The following ASTN2 variants were observed in gnomAD, a reference collection of about 807,000 sequenced individuals.
The protein encoded by ASTN2 is astrotactin 2.
In ASTN2, 54 loss-of-function variants were observed where a neutral mutation model predicts 139.8. The observed-to-expected ratio is 0.39, with a 90% CI of 0.31 to 0.48. The LOEUF (loss-of-function observed/expected upper bound fraction) is 0.48, where lower values mean the gene tolerates loss of function less well. Ranked by LOEUF, ASTN2 falls within the 20% of genes least tolerant of loss-of-function variation. The probability of loss-of-function intolerance (pLI) is 0.95; values close to 1 mark genes in which losing one functional copy is unlikely to be tolerated. For missense variants in ASTN2, 1,565 were observed against 1,725.1 expected (o/e 0.91, Z 1.64); for synonymous variants, 756 against 719.5 (o/e 1.05, Z -0.81).
chr9:116,608,607 A>C (rs1339484962), intron 19 of ASTN2, among the ~76,000 whole-genome samples: 1 of 147,058 alleles, frequency 6.8e-6, no homozygotes, highest in Non-Finnish European at 1.5e-5. Flanking sequence ...TTTGAACAAA[A>C]GAGTTTGAAC....
chr9:117,250,944 CAGA>C (rs1369300082), intron 2 of ASTN2, among the ~76,000 whole-genome samples: 1 of 152,118 alleles, frequency 6.6e-6, no homozygotes, highest in Non-Finnish European at 1.5e-5. Flanking sequence ...CTGAGTCACC[CAGA>C]AGAAGGGAAG....
chr9:116,931,470 T>A (rs1338181262), intron 10 of ASTN2, among the ~76,000 whole-genome samples: 1 of 152,186 alleles, frequency 6.6e-6, no homozygotes, highest in African/African-American at 2.4e-5. Context: ...TCTTATGAGT[T>A]TTAAGGCAGA....
rs187684745 is a variant in ASTN2, at chr9:116,687,070, T to C, written c.2807-35277A>G. 5,381 of 1,269,372 alleles carry C rather than the reference T, an allele frequency of 4.2e-3. 14 individuals carry two copies. Among genetic ancestry groups the C allele is most frequent in the Non-Finnish European group, 5.0e-3 (4,980 of 997,382 alleles). The allele number at this position is 1,269,372 out of a possible 1,614,324, so 78.6% of individuals were successfully genotyped here. On this transcript the variant is annotated intron_variant, in intron 16 of 22. Transcript: ENST00000313400. ...CTGGCTTATCTCCTGACTTACTGAG[T>C]GAACTTGAGCAGGTCCCTTTCGCCC...
intron 16 of ASTN2, among the ~76,000 whole-genome samples, chr9:116,659,417 C>A (rs779329874): frequency 7.9e-5 from 12 of 152,154 alleles, no homozygotes; most frequent in Non-Finnish European, 1.5e-4. Flanking sequence ...TTCAGACCAA[C>A]TATCCCAATT....
chr9:116,726,208 T>C (rs1400619409), intron 15 of ASTN2, among the ~76,000 whole-genome samples: 1 of 152,160 alleles, frequency 6.6e-6, no homozygotes, highest in Non-Finnish European at 1.5e-5. Context: ...CTCAGCAACG[T>C]AGACCATGGG....
chr9:116,727,515 G>A (rs961550100), intron 15 of ASTN2, among the ~76,000 whole-genome samples: 1 of 120,332 alleles, frequency 8.3e-6, no homozygotes, highest in Non-Finnish European at 1.8e-5. Context: ...AATGCAGTGT[G>A]GGGTGTGGGG....
At chr9:117,264,066 A>C (rs11789117) in intron 2 of ASTN2, among the ~76,000 whole-genome samples, 46,386 of 152,034 alleles carry the variant, frequency 0.31, 7,462 homozygotes, top group South Asian at 0.37. Context: ...AAATATTTAA[A>C]AATAAAATTA....
At chr9:116,785,032 A>G (rs12554409) in intron 13 of ASTN2, among the ~76,000 whole-genome samples, 35,271 of 152,042 alleles carry the variant, frequency 0.23, 4,689 homozygotes, top group Middle Eastern at 0.37. Flanking sequence ...ATCCTTTACC[A>G]GCCAAATGAC....
chr9:117,158,965 T>C (rs530603698), intron 3 of ASTN2, among the ~76,000 whole-genome samples: 7 of 152,056 alleles, frequency 4.6e-5, no homozygotes, highest in African/African-American at 1.7e-4. Flanking sequence ...TCCTCTTGGA[T>C]GTACCTGGCC....
At chr9:117,220,695 C>T (rs568844901) in intron 2 of ASTN2, among the ~76,000 whole-genome samples, 6 of 152,152 alleles carry the variant, frequency 3.9e-5, no homozygotes, top group East Asian at 1.9e-4. Context: ...TCAGAGCCTC[C>T]GGGAGGAGGC....
At chr9:116,554,228 A>C (rs539688825) in intron 19 of ASTN2, among the ~76,000 whole-genome samples, 1 of 152,176 alleles carries the variant, frequency 6.6e-6, no homozygotes, top group South Asian at 2.1e-4. Context: ...GTTGCTGTGA[A>C]AAATATGTAT....
At chr9:117,275,507 C>T (rs1196341842) in intron 2 of ASTN2, among the ~76,000 whole-genome samples, 1 of 151,982 alleles carries the variant, frequency 6.6e-6, no homozygotes, top group Non-Finnish European at 1.5e-5. Flanking sequence ...GCCCTGTCTT[C>T]CCATGGCCCT....
chr9:116,688,616 T>C (rs2132043986), intron 16 of ASTN2, among the ~76,000 whole-genome samples: 1 of 151,700 alleles, frequency 6.6e-6, no homozygotes, highest in African/African-American at 2.4e-5. Flanking sequence ...GTATTGCCAC[T>C]AACTCCATTC....
intron 2 of ASTN2, among the ~76,000 whole-genome samples, chr9:117,230,439 TC>T (rs1832856988): frequency 6.6e-6 from 1 of 152,178 alleles, no homozygotes; most frequent in East Asian, 1.9e-4. Flanking sequence ...CTCCTCTTCT[TC>T]TTACAACAAT....
chr9:117,363,429 A>T (rs1829748057), intron 1 of ASTN2, among the ~76,000 whole-genome samples: 1 of 152,160 alleles, frequency 6.6e-6, no homozygotes, highest in Admixed American at 6.6e-5. Context: ...GAAATATGAA[A>T]ATTGTTCAAG....
intron 16 of ASTN2, among the ~76,000 whole-genome samples, chr9:116,667,843 T>C (rs915729697): frequency 1.2e-5 from 1 of 86,240 alleles, no homozygotes; most frequent in African/African-American, 4.7e-5. Flanking sequence ...ACCTGCCACA[T>C]AGCTTCCCCT....
intron 19 of ASTN2, among the ~76,000 whole-genome samples, chr9:116,558,548 T>C (rs1203268530): frequency 6.6e-6 from 1 of 152,172 alleles, no homozygotes; most frequent in East Asian, 1.9e-4. Context: ...CACAGGCCAA[T>C]GACTTGGCAT....
intron 20 of ASTN2, among the ~76,000 whole-genome samples, chr9:116,475,652 C>A (rs1321918): frequency 6.6e-6 from 1 of 152,186 alleles, no homozygotes; most frequent in Non-Finnish European, 1.5e-5. Context: ...GTCACTCAAG[C>A]GTTCTTCATG....
chr9:116,826,401 C>T (rs1033963103), intron 11 of ASTN2, among the ~76,000 whole-genome samples: 1 of 152,102 alleles, frequency 6.6e-6, no homozygotes, highest in Non-Finnish European at 1.5e-5. Flanking sequence ...AGGCTTGGGG[C>T]CGAGTTTGAG....
Sources: allele counts gnomAD v4.1 joint callset (sites outside exome capture counted in the v4.1 genomes callset), GRCh38; gene constraint gnomAD v4.1.1; transcripts MANE v1.5; gene names NCBI Gene and HGNC (gene_info 2026-07-23, HGNC 2026-07-21).